The following TTC3 variants were observed in gnomAD, a reference collection of about 807,000 sequenced individuals.
TTC3 encodes E3 ubiquitin-protein ligase TTC3.
A neutral mutation model predicts 249.6 loss-of-function variants in TTC3; 180 were observed. The observed-to-expected ratio is 0.72, with a 90% CI of 0.64 to 0.82. The LOEUF is 0.82. Among genes scored for constraint, TTC3 ranks in the 40% least tolerant of loss-of-function variants. TTC3 has a pLI of 0.00. For missense variants in TTC3, 2,061 were observed against 2,398.4 expected (o/e 0.86, Z 2.94); for synonymous variants, 717 against 805.0 (o/e 0.89, Z 1.85).
chr21:37,112,473 C>G (rs2071708271), intron 11 of TTC3, among the ~76,000 whole-genome samples: 1 of 152,196 alleles, frequency 6.6e-6, no homozygotes, highest in South Asian at 2.1e-4. Context: ...CACATACACT[C>G]TCCCAAGACT....
chr21:37,079,695 C>T (rs1374465271), intron 1 of TTC3, among the ~76,000 whole-genome samples: 1 of 151,690 alleles, frequency 6.6e-6, no homozygotes, highest in Non-Finnish European at 1.5e-5. Flanking sequence ...CCATGCTTGG[C>T]TGATTTTTTT....
intron 44 of TTC3, among the ~76,000 whole-genome samples, chr21:37,199,497 G>A (rs577807454): frequency 2.4e-4 from 36 of 152,296 alleles, no homozygotes; most frequent in African/African-American, 8.4e-4. Context: ...ACTGTGAGCC[G>A]CTGAGGCCAG....
chr21:37,113,800 A>T (rs541934073), intron 11 of TTC3, among the ~76,000 whole-genome samples: 1 of 152,368 alleles, frequency 6.6e-6, no homozygotes, highest in South Asian at 2.1e-4. Context: ...CTACAAGGCT[A>T]CAGTAACTAA....
At chr21:37,197,612 C>T (rs1415467682) in exon 43 of TTC3, 2 of 1,611,900 alleles carry the variant, frequency 1.2e-6, no homozygotes, top group African/African-American at 2.7e-5. Flanking sequence ...GAAGCAAAAA[C>T]AAGAACTCAC....
At chr21:37,161,116 T>A (rs1601884737) in intron 30 of TTC3, among the ~76,000 whole-genome samples, 1 of 144,216 alleles carries the variant, frequency 6.9e-6, no homozygotes, top group Non-Finnish European at 1.5e-5. Context: ...AAAAAAAAAA[T>A]TGTCATAATG....
intron 26 of TTC3, among the ~76,000 whole-genome samples, chr21:37,152,487 C>T (rs1264211129): frequency 2.0e-5 from 3 of 150,950 alleles, no homozygotes; most frequent in Non-Finnish European, 3.0e-5. Context: ...CCCGGGTTCA[C>T]GCCATTCTCC....
intron 40 of TTC3, 104 bp downstream of exon 40, chr21:37,191,528 T>C: frequency 1.5e-6 from 1 of 651,906 alleles, no homozygotes; most frequent in South Asian, 3.4e-5. Context: ...TCTATTATTA[T>C]CAATAATTTT....
At chr21:37,121,927 G>T (rs916360667) in exon 12 of TTC3, 1 of 1,612,736 alleles carries the variant, frequency 6.2e-7, no homozygotes, top group Non-Finnish European at 8.5e-7. Context: ...AGGGAATCAA[G>T]GATCTAATTC....
intron 22 of TTC3, among the ~76,000 whole-genome samples, chr21:37,147,817 C>T (rs1378138418): frequency 1.3e-5 from 2 of 152,030 alleles, no homozygotes; most frequent in Non-Finnish European, 2.9e-5. Flanking sequence ...CAACCTCCGC[C>T]TCCTGGGTTC....
chr21:37,075,692 A>C (rs1451171547), intron 1 of TTC3, among the ~76,000 whole-genome samples: 1 of 152,128 alleles, frequency 6.6e-6, no homozygotes, highest in East Asian at 1.9e-4. Context: ...CAGCCTATGG[A>C]TTTATCTCTT....
At chr21:37,151,518 G>A (rs1275097478) in intron 25 of TTC3, among the ~76,000 whole-genome samples, 2 of 152,100 alleles carry the variant, frequency 1.3e-5, no homozygotes, top group Non-Finnish European at 2.9e-5. Context: ...ATAGTGTTGT[G>A]GGTTATTATT....
intron 14 of TTC3, among the ~76,000 whole-genome samples, chr21:37,125,593 C>T (rs916453458): frequency 6.6e-6 from 1 of 151,742 alleles, no homozygotes. Context: ...TAATAATGAT[C>T]GCTATTATAA....
chr21:37,131,291 G>A (rs2077449627), intron 16 of TTC3, among the ~76,000 whole-genome samples: 2 of 152,148 alleles, frequency 1.3e-5, no homozygotes, highest in East Asian at 3.9e-4. Context: ...GACCTCCAAG[G>A]AGAGGAGGGG....
At chr21:37,122,384 G>A (rs1382401868) in intron 12 of TTC3, among the ~76,000 whole-genome samples, 2 of 145,692 alleles carry the variant, frequency 1.4e-5, no homozygotes, top group Non-Finnish European at 1.5e-5. Flanking sequence ...CACCATTTGT[G>A]CTAATTCTGC....
Position 37,156,638 on chromosome 21 carries a change from T to C in TTC3, c.2741-17T>C. The C allele has an allele frequency of 6.3e-7, 1 of 1,589,962 alleles. No individual in the cohort carries two copies. The highest frequency in any genetic ancestry group is 8.5e-7 in the Non-Finnish European group (1 of 1,169,854). ...AATTTCCCTCCTCTTCTGATTTGGG[T>C]TTTGTTTTTATTACAGGCTTAGATG... On this transcript the variant is annotated splice_polypyrimidine_tract_variant and intron_variant, in intron 27 of 45. Transcript: ENST00000355666.
chr21:37,152,391 T>C (rs7510559), intron 26 of TTC3, among the ~76,000 whole-genome samples: 1 of 137,318 alleles, frequency 7.3e-6, no homozygotes, highest in Non-Finnish European at 1.6e-5. Flanking sequence ...TTTTTTTTTT[T>C]GTTTTTTTTT....
rs752141805 is a variant in TTC3, at chr21:37,166,434, T to G, written c.4220T>G (p.Leu1407Arg). The change falls in exon 33 of 46, where the codon CTT becomes CGT. Residue 1407 changes from leucine to arginine, a missense_variant. Around this residue, in one of 3 missense-constraint regions of TTC3, gnomAD observed 1,040 missense variants for 1,186.1 expected, o/e 0.88. Coordinates refer to ENST00000355666, the Ensembl canonical transcript of TTC3. ...CAGATTGCCTCTGAAACACAGATCC[T>G]TGAGGGCTCTTTGGGAATATCTGTA... is the stretch of plus-strand genomic sequence containing the variant. The G allele has an allele frequency of 4.3e-5, 70 of 1,614,084 alleles. No individual in the cohort carries two copies. The Middle Eastern group carries it at 6.6e-4, about 15-fold the overall frequency.
At chr21:37,080,130 G>A (rs1259217220) in intron 1 of TTC3, among the ~76,000 whole-genome samples, 2 of 151,478 alleles carry the variant, frequency 1.3e-5, no homozygotes, top group African/African-American at 4.9e-5. Context: ...CGATTTCCTA[G>A]TATAAGCATG....
chr21:37,111,501 A>G (rs1330295347), intron 11 of TTC3, among the ~76,000 whole-genome samples: 1 of 152,204 alleles, frequency 6.6e-6, no homozygotes, highest in East Asian at 1.9e-4. Context: ...AGAACTAACT[A>G]TCCTAAATAT....
Sources: allele counts gnomAD v4.1 joint callset (sites outside exome capture counted in the v4.1 genomes callset), GRCh38; gene constraint gnomAD v4.1.1; regional missense constraint gnomAD v4.1.1; transcripts MANE v1.5; gene names NCBI Gene and HGNC (gene_info 2026-07-23, HGNC 2026-07-21).